TENM4: variants seen among roughly 807,000 people sequenced by gnomAD.
TENM4 encodes teneurin transmembrane protein 4, also known as teneurin-4.
A neutral mutation model predicts 243.3 loss-of-function variants in TENM4; 82 were observed. The observed-to-expected ratio is 0.34, with a 90% CI of 0.28 to 0.40. The LOEUF (loss-of-function observed/expected upper bound fraction) is 0.40. TENM4 is among the 10% of genes least tolerant of loss of function. The pLI is 1.00. For synonymous variants in TENM4, 1,412 were observed against 1,456.3 expected, an observed-to-expected ratio of 0.97 and a Z score of 0.69; for missense variants, 3,138 against 3,673.3, an observed-to-expected ratio of 0.85 and a Z score of 3.77.
intron 12 of TENM4, among the ~76,000 whole-genome samples, chr11:78,827,467 A>C (rs76584088): frequency 0.042 from 5,170 of 122,480 alleles, 281 homozygotes; most frequent in African/African-American, 0.15. Flanking sequence ...CCATCCTTCA[A>C]AGCCTATTTA....
At chr11:78,966,570 G>A (rs190103838) in intron 6 of TENM4, among the ~76,000 whole-genome samples, 1 of 152,266 alleles carries the variant, frequency 6.6e-6, no homozygotes, top group East Asian at 1.9e-4. Flanking sequence ...GCAGGGCAGA[G>A]GTAGGACCTG....
chr11:79,227,623 A>G (rs1224775617), intron 2 of TENM4, among the ~76,000 whole-genome samples: 1 of 152,194 alleles, frequency 6.6e-6, no homozygotes, highest in African/African-American at 2.4e-5. Context: ...CCCTAGAAGG[A>G]GAAATGGGGG....
chr11:78,693,092 G>T (rs1858866237), intron 28 of TENM4, among the ~76,000 whole-genome samples: 1 of 152,186 alleles, frequency 6.6e-6, no homozygotes, highest in South Asian at 2.1e-4. Context: ...CTCAGTACAT[G>T]TTTACTTAAT....
At chr11:79,311,738 C>T (rs1021928259) in intron 1 of TENM4, among the ~76,000 whole-genome samples, 1 of 152,086 alleles carries the variant, frequency 6.6e-6, no homozygotes, top group Non-Finnish European at 1.5e-5. Flanking sequence ...CTTCTCTAGA[C>T]AGGTTCTGCC....
intron 19 of TENM4, chr11:78,756,194 A>C: frequency 6.5e-6 from 1 of 153,558 alleles, no homozygotes; most frequent in Non-Finnish European, 1.4e-5. Flanking sequence ...TACCCTGGGG[A>C]CAAAGTTCTG....
At chr11:78,963,878 C>G (rs1857383676) in intron 6 of TENM4, among the ~76,000 whole-genome samples, 1 of 149,976 alleles carries the variant, frequency 6.7e-6, no homozygotes, top group Non-Finnish European at 1.5e-5. Context: ...ATTACAGGTG[C>G]CTGCCACCTG....
intron 1 of TENM4, among the ~76,000 whole-genome samples, chr11:79,399,815 T>C (rs928993922): frequency 6.6e-5 from 10 of 152,282 alleles, no homozygotes; most frequent in African/African-American, 1.9e-4. Context: ...GAGTTCCTTC[T>C]CTGTAAAGAA....
Position 78,732,670 on chromosome 11 carries a change from A to G in TENM4, c.2877-93T>C, listed in dbSNP as rs2135881995. ...AGAGACAAAGAAAGGGGAGAAAATTACACCAAAGGGTCTCAGCATTTCTTG... is the reference window on the plus strand; with the variant it reads ...AGAGACAAAGAAAGGGGAGAAAATTGCACCAAAGGGTCTCAGCATTTCTTG... On this transcript the variant is annotated intron_variant, in intron 20 of 33. Coordinates refer to ENST00000278550, the MANE Select transcript of TENM4 (RefSeq NM_001098816.3). 2.9e-6 allele frequency: 4 copies of G among 1,398,984 alleles called. No homozygotes were observed. In the South Asian group the frequency reaches 6.3e-5, roughly 22 times the overall value. The allele number at this position is 1,398,984 out of a possible 1,614,324, so 86.7% of individuals were successfully genotyped here.
chr11:78,778,460 C>T lies in TENM4; in HGVS notation c.2392+142G>A, dbSNP rs375391048. 126 of 894,710 alleles carry T rather than the reference C, an allele frequency of 1.4e-4. No homozygotes were observed. In the South Asian group the frequency reaches 1.5e-3, roughly 10 times the overall value. 55.4% of individuals were successfully genotyped at this position (894,710 alleles called of 1,614,324 possible). A position where few individuals can be genotyped will look rare whatever the true frequency, so the allele number is the denominator to read the frequency against. ...CATCCCCTTTGGGCAATGGATGCTG[C>T]GACAAAACTGGGGATGCATTAGCTT... On this transcript the variant is annotated intron_variant, in intron 17 of 33. Coordinates refer to ENST00000278550, the MANE Select transcript of TENM4 (RefSeq NM_001098816.3).
intron 1 of TENM4, among the ~76,000 whole-genome samples, chr11:79,339,046 G>A (rs1314260770): frequency 6.6e-6 from 1 of 152,214 alleles, no homozygotes; most frequent in Non-Finnish European, 1.5e-5. Context: ...ACACAACACA[G>A]TCACAAAGCT....
At chr11:78,899,086 T>G (rs1380809439) in intron 7 of TENM4, among the ~76,000 whole-genome samples, 2 of 152,260 alleles carry the variant, frequency 1.3e-5, no homozygotes, top group South Asian at 4.2e-4. Context: ...GGCCAGCTTA[T>G]GACTGCTTTG....
At chr11:79,292,982 T>G (rs1338152458) in intron 2 of TENM4, among the ~76,000 whole-genome samples, 1 of 152,188 alleles carries the variant, frequency 6.6e-6, no homozygotes, top group African/African-American at 2.4e-5. Context: ...ACTCCCAGTT[T>G]CTGCCCTCAG....
intron 15 of TENM4, among the ~76,000 whole-genome samples, chr11:78,791,914 G>A (rs1400949899): frequency 6.6e-6 from 1 of 152,164 alleles, no homozygotes; most frequent in African/African-American, 2.4e-5. Context: ...GAGGGCTGGG[G>A]TCTGGGAGGA....
At chr11:78,839,617 T>G (rs1000426644) in intron 12 of TENM4, among the ~76,000 whole-genome samples, 1 of 152,234 alleles carries the variant, frequency 6.6e-6, no homozygotes, top group Non-Finnish European at 1.5e-5. Context: ...GCCTCTTGTT[T>G]CTATGTCATA....
In TENM4 at chr11:78,669,198, T is replaced by C. The variant is rs1318729268; in HGVS notation, c.7147A>G (p.Thr2383Ala). The change falls in exon 32 of 34, where the codon ACA becomes GCA. Residue 2383 changes from threonine to alanine, a missense_variant. By Grantham distance (58) the Thr-to-Ala change is moderately conservative. Transcript: ENST00000278550. The surrounding 1 kb of genome is among the most constrained non-coding windows in gnomAD (Gnocchi z 6.4). ...TCCATGTAGATCTCCCCATAGGCTGTGTACAGGATTTGCTTGATCATCAAA... is the reference window on the plus strand; with the variant it reads ...TCCATGTAGATCTCCCCATAGGCTGCGTACAGGATTTGCTTGATCATCAAA... ...TGLMIKQILY[T>A]AYGEIYMDTN... The C allele has an allele frequency of 6.8e-6, 11 of 1,613,822 alleles. No homozygotes were observed. Among genetic ancestry groups the C allele is most frequent in the Non-Finnish European group, 9.3e-6 (11 of 1,179,892 alleles).
intron 4 of TENM4, among the ~76,000 whole-genome samples, chr11:79,088,582 G>T (rs1185196509): frequency 6.6e-6 from 1 of 152,140 alleles, no homozygotes. Flanking sequence ...AGGGTTGTTG[G>T]GGGGACTGAG....
intron 6 of TENM4, among the ~76,000 whole-genome samples, chr11:78,926,677 G>GTTTTTTTTT (rs754243078): frequency 7.9e-6 from 1 of 127,296 alleles, no homozygotes; most frequent in African/African-American, 3.1e-5. Flanking sequence ...GGTGTTTTTT[G>GTTTTTTTTT]TTTTTTTTTT....
chr11:78,753,837 T>C lies in TENM4; in HGVS notation c.2756+2968A>G, dbSNP rs529828684. ...TACAGGTTTGGAGAGATGAATGGTC[T>C]CTGTTTTCAAAGTGTATATAACCAA... On this transcript the variant is annotated intron_variant, in intron 19 of 33. Transcript: ENST00000278550. Among the ~76,000 whole-genome samples, 4 of 152,338 alleles carry C rather than the reference T, an allele frequency of 2.6e-5. No homozygotes were observed. In the East Asian group the frequency reaches 7.7e-4, roughly 29 times the overall value.
intron 4 of TENM4, among the ~76,000 whole-genome samples, chr11:79,083,585 C>T (rs921549414): frequency 1.3e-5 from 2 of 152,164 alleles, no homozygotes; most frequent in African/African-American, 4.8e-5. Context: ...GGAGCTTACT[C>T]CTAACACATT....
Sources: allele counts gnomAD v4.1 joint callset (sites outside exome capture counted in the v4.1 genomes callset), GRCh38; gene constraint gnomAD v4.1.1; non-coding constraint Gnocchi (gnomAD v3.1); transcripts MANE v1.5; gene names NCBI Gene and HGNC (gene_info 2026-07-23, HGNC 2026-07-21).